Variants in COBLL1 observed in about 807,000 individuals in gnomAD.
The protein encoded by COBLL1 is cordon-bleu WH2 repeat protein like 1.
Under a neutral mutation model 94.8 loss-of-function variants are expected in COBLL1, and 50 were observed. That is an observed-to-expected ratio of 0.53 (90% CI 0.42 to 0.67). The LOEUF is 0.67. Ranked by LOEUF, COBLL1 falls within the 30% of genes least tolerant of loss-of-function variation. COBLL1 has a pLI of 0.00. For missense variants in COBLL1, 1,362 were observed against 1,348.7 expected, an observed-to-expected ratio of 1.01 and a Z score of -0.15; for synonymous variants, 448 against 473.8, an observed-to-expected ratio of 0.95 and a Z score of 0.71.
At chr2:164,829,235 G>A (rs1004138239) in intron 2 of COBLL1, among the ~76,000 whole-genome samples, 2 of 152,104 alleles carry the variant, frequency 1.3e-5, no homozygotes, top group Admixed American at 6.6e-5. Flanking sequence ...AATAACCTAA[G>A]ATCACAGAAG....
chr2:164,665,850 T>C (rs144709843), exon 2 of COBLL1: 3 of 152,294 alleles, frequency 2.0e-5, no homozygotes, highest in South Asian at 2.1e-4. Flanking sequence ...ACCTTACCAT[T>C]TGCCTTCAAG....
Position 164,692,038 on chromosome 2 carries a change from C to T in COBLL1, c.3300+183G>A, listed in dbSNP as rs560806871. ...ACTGGCCCATGTTGTGGAAAATAGA[C>T]CTGACATATTTTTCAAGTACGTGTA... is the stretch of plus-strand genomic sequence containing the variant. On this transcript the variant is annotated intron_variant, in intron 13 of 13. Coordinates refer to ENST00000652658, the MANE Select transcript of COBLL1 (RefSeq NM_001365672.2). 2.1e-4 allele frequency among the ~76,000 whole-genome samples: 32 copies of T among 152,240 alleles called. No homozygotes were observed. In the South Asian group the frequency reaches 6.6e-3, roughly 32 times the overall value.
intron 13 of COBLL1, among the ~76,000 whole-genome samples, chr2:164,689,566 A>C (rs975589350): frequency 6.6e-5 from 10 of 152,180 alleles, no homozygotes; most frequent in Non-Finnish European, 8.8e-5. Context: ...TTGAAATAGA[A>C]TATATGTATA....
chr2:164,789,303 G>A (rs933466245), intron 2 of COBLL1, among the ~76,000 whole-genome samples: 3 of 152,118 alleles, frequency 2.0e-5, no homozygotes, highest in African/African-American at 7.2e-5. Flanking sequence ...TAGAAATGGG[G>A]AAGAAATGAC....
At chr2:164,722,664 T>G in intron 5 of COBLL1, 142 bp from the exon 6 acceptor site, 1 of 429,480 alleles carries the variant, frequency 2.3e-6, no homozygotes, top group South Asian at 6.8e-5. Context: ...ACCTTAAATC[T>G]TATTAAGTTC....
At chr2:164,812,148 A>G (rs1332545094) in intron 2 of COBLL1, among the ~76,000 whole-genome samples, 2 of 152,034 alleles carry the variant, frequency 1.3e-5, no homozygotes, top group African/African-American at 2.4e-5. Flanking sequence ...ATCTAGAAAC[A>G]CAAATAAAAG....
In COBLL1 at chr2:164,714,370, GAA is replaced by G. The variant is rs35115672; in HGVS notation, c.996+7703_996+7704del. On this transcript the variant is annotated intron_variant, in intron 7 of 13. Transcript: ENST00000652658. ...TCTAGCTCAATGGTACATCTTGGAT[GAA>G]AAAAAAAAAAAAAAAAACCAGGATG... Among the ~76,000 whole-genome samples, 541 of 114,406 alleles carry G rather than the reference GAA, an allele frequency of 4.7e-3. 1 individual carries two copies. Among genetic ancestry groups the G allele is most frequent in the Middle Eastern group, 8.6e-3 (2 of 232 alleles). The allele number at this position is 114,406 out of a possible 152,430, so 75.1% of individuals were successfully genotyped here.
chr2:164,707,318 T>C (rs937445432), intron 7 of COBLL1, among the ~76,000 whole-genome samples: 3 of 152,098 alleles, frequency 2.0e-5, no homozygotes, highest in African/African-American at 7.2e-5. Flanking sequence ...TTTTTGTATT[T>C]TTAGTAGAGA....
At chr2:164,813,221 T>C (rs926679959) in intron 2 of COBLL1, among the ~76,000 whole-genome samples, 2 of 152,058 alleles carry the variant, frequency 1.3e-5, no homozygotes, top group Non-Finnish European at 2.9e-5. Context: ...AACAGAACAA[T>C]ATGCTAATGT....
chr2:164,686,645 T>C (rs1046004195), intron 13 of COBLL1, among the ~76,000 whole-genome samples: 30 of 152,078 alleles, frequency 2.0e-4, no homozygotes, highest in African/African-American at 6.8e-4. Flanking sequence ...CAAAATTCTA[T>C]GGCAAAGTCT....
At position 164,730,515 on chromosome 2, in the gene COBLL1, AAACAACAAC is replaced by A. The variant is rs1029427934; in HGVS notation, c.231-409_231-401del. Among the ~76,000 whole-genome samples, 4 of 151,780 alleles carry A rather than the reference AAACAACAAC, an allele frequency of 2.6e-5. No individual in the cohort carries two copies. The South Asian group carries it at 8.3e-4, about 32-fold the overall frequency. ...CCTGTCATAATAATAATAACAATAA[AAACAACAAC>A]AACAACAACAACAAAAATAATCTCC... is the stretch of plus-strand genomic sequence containing the variant. On this transcript the variant is annotated intron_variant, in intron 3 of 13. Transcript: ENST00000652658.
intron 2 of COBLL1, among the ~76,000 whole-genome samples, chr2:164,805,808 C>T (rs992324667): frequency 1.3e-5 from 2 of 152,186 alleles, no homozygotes; most frequent in Admixed American, 6.5e-5. Flanking sequence ...TGCAGGTTTT[C>T]GTGTGGACTT....
chr2:164,690,482 T>G (rs1348560686), intron 13 of COBLL1, among the ~76,000 whole-genome samples: 2 of 152,228 alleles, frequency 1.3e-5, no homozygotes, highest in East Asian at 3.8e-4. Context: ...GAGAGTTTTC[T>G]GTGTGAAAGG....
intron 2 of COBLL1, 86 bp from the exon 3 acceptor site, chr2:164,743,961 C>G (rs931251087): frequency 2.1e-6 from 2 of 967,634 alleles, no homozygotes; most frequent in African/African-American, 1.7e-5. Context: ...TAAATATGAT[C>G]TAGTAGTGGT....
At chr2:164,696,093 G>T (rs748791026) in intron 11 of COBLL1, 5 of 356,206 alleles carry the variant, frequency 1.4e-5, no homozygotes, top group South Asian at 5.9e-5. Context: ...GCCTCAGTTT[G>T]CTCAGACATA....
chr2:164,737,664 A>G (rs944702905), intron 3 of COBLL1, among the ~76,000 whole-genome samples: 3 of 152,174 alleles, frequency 2.0e-5, no homozygotes, highest in African/African-American at 7.2e-5. Flanking sequence ...TTCTCAATAA[A>G]TATAAATATG....
chr2:164,817,258 TAG>T (rs954619209), intron 2 of COBLL1, among the ~76,000 whole-genome samples: 2 of 150,684 alleles, frequency 1.3e-5, no homozygotes, highest in African/African-American at 4.9e-5. Flanking sequence ...AAAGACTGAA[TAG>T]AACCCAAACT....
At chr2:164,820,556 A>C (rs903541199) in intron 2 of COBLL1, among the ~76,000 whole-genome samples, 10 of 152,180 alleles carry the variant, frequency 6.6e-5, no homozygotes, top group Admixed American at 4.6e-4. Context: ...TACTGTCAGG[A>C]AACAATAACA....
chr2:164,794,970 G>T (rs1323000934), intron 2 of COBLL1, among the ~76,000 whole-genome samples: 1 of 152,162 alleles, frequency 6.6e-6, no homozygotes, highest in African/African-American at 2.4e-5. Flanking sequence ...AATGCCAAGA[G>T]CAAGAGCCAA....
Sources: gnomAD v4.1 joint callset for allele counts (sites outside exome capture counted in the v4.1 genomes callset) on GRCh38, gnomAD v4.1.1 for gene constraint, MANE v1.5 for transcripts, NCBI Gene and HGNC (gene_info 2026-07-23, HGNC 2026-07-21) for gene names.